HACE1: variants seen among roughly 807,000 people sequenced by gnomAD.
The protein encoded by HACE1 is HECT domain and ankyrin repeat containing E3 ubiquitin protein ligase 1, also known as E3 ubiquitin-protein ligase HACE1.
HACE1 carries 73 observed loss-of-function variants against 118.4 expected under a neutral mutation model. The observed-to-expected ratio is 0.62, with a 90% CI of 0.51 to 0.75. The LOEUF (loss-of-function observed/expected upper bound fraction) is 0.75. Ranked by LOEUF, HACE1 falls within the 30% of genes least tolerant of loss-of-function variation. The probability of loss-of-function intolerance (pLI) is 0.00; values close to 1 mark genes in which losing one functional copy is unlikely to be tolerated. For synonymous variants in HACE1, 368 were observed against 374.8 expected (o/e 0.98, Z 0.21); for missense variants, 749 against 1,102.2 (o/e 0.68, Z 4.54).
At chr6:104,756,717 G>A (rs1246781193) in intron 19 of HACE1, among the ~76,000 whole-genome samples, 2 of 152,160 alleles carry the variant, frequency 1.3e-5, no homozygotes, top group Non-Finnish European at 2.9e-5. Context: ...AGCCCACGGA[G>A]GGCGAGCCAA....
intron 22 of HACE1, among the ~76,000 whole-genome samples, chr6:104,734,072 C>T (rs932939527): frequency 3.5e-5 from 5 of 141,146 alleles, no homozygotes; most frequent in African/African-American, 1.3e-4. Context: ...AGAATCACTT[C>T]AACCTGGGAG....
chr6:104,737,299 A>G (rs1207304230), intron 22 of HACE1, among the ~76,000 whole-genome samples: 6 of 151,208 alleles, frequency 4.0e-5, no homozygotes, highest in Middle Eastern at 3.4e-3. Context: ...AAAAAAAAAA[A>G]AAAAAAAAGA....
chr6:104,773,321 C>G (rs1250625246), intron 17 of HACE1, among the ~76,000 whole-genome samples: 1 of 151,850 alleles, frequency 6.6e-6, no homozygotes, highest in Non-Finnish European at 1.5e-5. Context: ...GTCATTTTGA[C>G]AATAATTCAC....
chr6:104,774,094 T>G (rs1414352150), intron 17 of HACE1, among the ~76,000 whole-genome samples: 2 of 83,690 alleles, frequency 2.4e-5, no homozygotes, highest in Admixed American at 2.2e-4. Flanking sequence ...TTTTTTTTTT[T>G]TTTTTTTTTT....
chr6:104,752,669 C>T (rs1024444157), intron 19 of HACE1, among the ~76,000 whole-genome samples: 3 of 151,998 alleles, frequency 2.0e-5, no homozygotes, highest in African/African-American at 7.2e-5. Flanking sequence ...AATTGCATTC[C>T]ATATCTATCA....
chr6:104,830,011 C>A (rs1773701872), intron 6 of HACE1, among the ~76,000 whole-genome samples: 1 of 152,110 alleles, frequency 6.6e-6, no homozygotes, highest in Non-Finnish European at 1.5e-5. Context: ...CTTAGTAATT[C>A]TTGCTTCTAT....
intron 1 of HACE1, among the ~76,000 whole-genome samples, chr6:104,853,199 T>C (rs939991344): frequency 6.6e-6 from 1 of 152,240 alleles, no homozygotes; most frequent in African/African-American, 2.4e-5. Context: ...CACCATGGGA[T>C]GACTCTTACT....
chr6:104,800,162 G>C (rs1287112089), intron 7 of HACE1, among the ~76,000 whole-genome samples: 1 of 152,094 alleles, frequency 6.6e-6, no homozygotes, highest in African/African-American at 2.4e-5. Context: ...GGCGGGGGTA[G>C]GGGCATCTGC....
Position 104,735,429 on chromosome 6 carries a change from G to A in HACE1, c.2514-5013C>T, listed in dbSNP as rs940735485. Among the ~76,000 whole-genome samples, 19 of 152,150 alleles carry A rather than the reference G, an allele frequency of 1.2e-4. No individual in the cohort carries two copies. The South Asian group carries it at 2.3e-3, about 18-fold the overall frequency. On this transcript the variant is annotated intron_variant, in intron 22 of 23. Coordinates refer to ENST00000262903, the MANE Select transcript of HACE1 (RefSeq NM_020771.4). ...GGGCAGATCACAAGGTCAGGAGATC[G>A]AGACCACCCTGGCTAACAAGGTGAA...
intron 14 of HACE1, among the ~76,000 whole-genome samples, chr6:104,782,841 A>G (rs1212745038): frequency 6.6e-6 from 1 of 152,200 alleles, no homozygotes; most frequent in African/African-American, 2.4e-5. Flanking sequence ...AAAGACATTA[A>G]AAACCACTTA....
At chr6:104,765,154 G>A (rs574701385) in intron 19 of HACE1, among the ~76,000 whole-genome samples, 3 of 152,302 alleles carry the variant, frequency 2.0e-5, no homozygotes, top group East Asian at 3.9e-4. Context: ...TATTTTTGAT[G>A]AGAATTTCAG....
intron 22 of HACE1, among the ~76,000 whole-genome samples, chr6:104,738,016 C>A (rs1437250124): frequency 6.6e-6 from 1 of 152,172 alleles, no homozygotes; most frequent in Non-Finnish European, 1.5e-5. Flanking sequence ...GGTCCCTGAC[C>A]CCCGAGCAGC....
rs138904903 is a variant in HACE1 at position 104,836,190 on chromosome 6, A to G, written c.403-3017T>C. Among the ~76,000 whole-genome samples the G allele has an allele frequency of 1.1e-4, 16 of 152,336 alleles. 1 individual carries two copies. The highest frequency in any genetic ancestry group is 3.8e-4 in the African/African-American group (16 of 41,578). On this transcript the variant is annotated intron_variant, in intron 5 of 23. Transcript: ENST00000262903. ...GATGAGACATTCCAAACAACTGTGC[A>G]GCAGACCTAGGTATCAACCAATCCA...
chr6:104,847,543 G>C (rs1400480215), intron 4 of HACE1, among the ~76,000 whole-genome samples: 13 of 152,310 alleles, frequency 8.5e-5, no homozygotes, highest in Admixed American at 8.5e-4. Flanking sequence ...GAGCAGATCA[G>C]CAAGAGTCAA....
rs563796689 is a variant in HACE1, at chr6:104,844,856, G to T, written c.327-1558C>A. 2.7e-5 allele frequency among the ~76,000 whole-genome samples: 4 copies of T among 150,672 alleles called. No homozygotes were observed. In the South Asian group the frequency reaches 8.4e-4, roughly 32 times the overall value. On this transcript the variant is annotated intron_variant, in intron 4 of 23. Transcript: ENST00000262903. ...TTTTCGTATTTTTAGTAGAGACTGG[G>T]TTTCACCACGTTGGCCAGGCTCATC...
intron 6 of HACE1, among the ~76,000 whole-genome samples, chr6:104,827,152 T>C (rs1773420544): frequency 6.6e-6 from 1 of 152,032 alleles, no homozygotes. Context: ...CACTGATAAA[T>C]TACAAAGCAA....
chr6:104,793,359 G>C (rs1222576128), intron 10 of HACE1, among the ~76,000 whole-genome samples: 1 of 151,234 alleles, frequency 6.6e-6, no homozygotes, highest in Non-Finnish European at 1.5e-5. Context: ...TTCTTATTCA[G>C]TGTCTTACTT....
intron 10 of HACE1, 59 bp from the exon 11 acceptor site, chr6:104,791,713 T>C: frequency 8.8e-7 from 1 of 1,138,792 alleles, no homozygotes; most frequent in Non-Finnish European, 1.3e-6. Context: ...TTAAAATACT[T>C]ATTTTAAAAC....
chr6:104,836,488 G>T (rs1774552756), intron 5 of HACE1, among the ~76,000 whole-genome samples: 1 of 152,104 alleles, frequency 6.6e-6, no homozygotes, highest in Admixed American at 6.5e-5. Flanking sequence ...CGAGGCGGGT[G>T]AATCACCGGA....
Sources: allele counts gnomAD v4.1 joint callset (sites outside exome capture counted in the v4.1 genomes callset), GRCh38; gene constraint gnomAD v4.1.1; transcripts MANE v1.5; gene names NCBI Gene and HGNC (gene_info 2026-07-23, HGNC 2026-07-21).